The following TECTB variants were observed in gnomAD, a reference collection of about 807,000 sequenced individuals.
The protein encoded by TECTB is beta-tectorin.
Under a neutral mutation model 43.3 loss-of-function variants are expected in TECTB, and 45 were observed. The observed-to-expected ratio is 1.04, with a 90% CI of 0.82 to 1.33. The LOEUF (loss-of-function observed/expected upper bound fraction) is 1.33. TECTB is among the 40% of genes most tolerant of loss of function. TECTB has a pLI of 0.00. For missense variants in TECTB, 399 were observed against 404.7 expected (o/e 0.99, Z 0.12); for synonymous variants, 169 against 156.7 (o/e 1.08, Z -0.59).
intron 5 of TECTB, among the ~76,000 whole-genome samples, chr10:112,289,202 A>G (rs1011169247): frequency 1.3e-5 from 2 of 152,220 alleles, no homozygotes; most frequent in Non-Finnish European, 2.9e-5. Flanking sequence ...CTTTGACTCT[A>G]TTTAAAGTGG....
chr10:112,291,651 A>G (rs183391360), intron 5 of TECTB, among the ~76,000 whole-genome samples: 21 of 152,314 alleles, frequency 1.4e-4, no homozygotes, highest in Admixed American at 9.8e-4. Context: ...ATGAAACTCA[A>G]TCTTTCAAAC....
chr10:112,303,337 C>T lies in TECTB; in HGVS notation c.*25C>T, dbSNP rs376954909. 1.2e-6 allele frequency: 2 copies of T among 1,613,840 alleles called. No individual in the cohort carries two copies. Among genetic ancestry groups the T allele is most frequent in the Admixed American group, 3.3e-5 (2 of 60,016 alleles). On this transcript the variant is annotated 3_prime_UTR_variant, in exon 11 of 11. Transcript: ENST00000646139. Reference sequence around the variant, plus strand: ...GGAGTTAGCCAGGCAGCTGCCGCTCCTCCACCCACAATAGTCCTCAGCGAA... The same window carrying T: ...GGAGTTAGCCAGGCAGCTGCCGCTCTTCCACCCACAATAGTCCTCAGCGAA...
chr10:112,301,407 C>CAAA lies in TECTB; in HGVS notation c.908-680_908-678dup, dbSNP rs748878707. On this transcript the variant is annotated intron_variant, in intron 9 of 10. Coordinates refer to ENST00000646139, the MANE Select transcript of TECTB (RefSeq NM_058222.3). ...GGGCAACAAGAGTGAAACTCTGTCTCAAAAAAAAAAAAAAAATTATATGAA... is the reference window on the plus strand; with the variant it reads ...GGGCAACAAGAGTGAAACTCTGTCTCAAAAAAAAAAAAAAAAAAATTATATGAA... 7.7e-3 allele frequency among the ~76,000 whole-genome samples: 1,018 copies of CAAA among 132,882 alleles called. 5 individuals carry two copies. Among genetic ancestry groups the CAAA allele is most frequent in the Non-Finnish European group, 0.012 (741 of 62,844 alleles). 87.2% of individuals were successfully genotyped at this position (132,882 alleles called of 152,430 possible).
intron 9 of TECTB, among the ~76,000 whole-genome samples, chr10:112,301,592 C>G (rs1848612567): frequency 6.6e-6 from 1 of 151,958 alleles, no homozygotes; most frequent in Non-Finnish European, 1.5e-5. Flanking sequence ...TTACTTTTTT[C>G]TTTTCAGAAA....
chr10:112,297,003 T>C lies in TECTB; in HGVS notation c.672-1066T>C, dbSNP rs369089186. Among the ~76,000 whole-genome samples the C allele has an allele frequency of 1.1e-3, 172 of 152,260 alleles. 4 individuals carry two copies. The South Asian group carries it at 0.035, about 31-fold the overall frequency. On this transcript the variant is annotated intron_variant, in intron 7 of 10. Coordinates refer to ENST00000646139, the MANE Select transcript of TECTB (RefSeq NM_058222.3). ...TGCAGATAACAAACCCCCACAATAG[T>C]GTGGGCTTCTCTGTACAGTCCCAAG... is the stretch of plus-strand genomic sequence containing the variant.
intron 10 of TECTB, 188 bp downstream of exon 10, chr10:112,302,321 T>A: frequency 1.8e-6 from 1 of 569,150 alleles, no homozygotes; most frequent in South Asian, 3.0e-5. Context: ...CCCTGAACTC[T>A]GAAGAGAGGG....
Position 112,298,204 on chromosome 10 carries a change from C to CAGTGA in TECTB, c.807_808insAGTGA (p.Asp270SerfsTer11). On this transcript the variant is annotated frameshift_variant, in exon 8 of 11. Transcript: ENST00000646139. LOFTEE classifies it high-confidence loss of function. ...GGTTACACTGTGAGACGTTCATCTG[C>CAGTGA]GACAGTGAGAAACTCTCCTGCCCAG... 1 of 1,614,104 alleles carries CAGTGA rather than the reference C, an allele frequency of 6.2e-7. No homozygotes were observed. The highest frequency in any genetic ancestry group is 8.5e-7 in the Non-Finnish European group (1 of 1,180,000).
chr10:112,298,461 TG>T (rs1848568395), intron 8 of TECTB, among the ~76,000 whole-genome samples: 1 of 152,226 alleles, frequency 6.6e-6, no homozygotes, highest in Middle Eastern at 3.2e-3. Context: ...CCTAACCTGC[TG>T]GGACCTGCTT....
Position 112,284,662 on chromosome 10 carries a change from C to G in TECTB, c.204C>G (p.Tyr68Ter). The change falls in exon 3 of 11, where the codon TAC (tyrosine) becomes TAG (stop). Residue 68 changes from tyrosine to a stop codon, truncating the protein, a stop_gained. Transcript: ENST00000646139. LOFTEE classifies it high-confidence loss of function. ...ACAATGGGGTCCACGAAGGAGGTTA[C>G]TACCAATTTGTGATCCCAGATTTAT... ...LCYNGVHEGG[Y>*]YQFVIPDLSP... 6.2e-7 allele frequency: 1 copy of G among 1,613,346 alleles called. No individual in the cohort carries two copies. Among genetic ancestry groups the G allele is most frequent in the Non-Finnish European group, 8.5e-7 (1 of 1,179,660 alleles).
Position 112,303,384 on chromosome 10 carries a change from T to C in TECTB, c.*72T>C. Reference sequence around the variant, plus strand: ...CGAATGACAAACACATTTATTGTGCTGCCAAAAAGAACAAACAGAAGACCA... The same window carrying C: ...CGAATGACAAACACATTTATTGTGCCGCCAAAAAGAACAAACAGAAGACCA... On this transcript the variant is annotated 3_prime_UTR_variant, in exon 11 of 11. Coordinates refer to ENST00000646139, the MANE Select transcript of TECTB (RefSeq NM_058222.3). 1 of 1,584,026 alleles carries C rather than the reference T, an allele frequency of 6.3e-7. No individual in the cohort carries two copies. Among genetic ancestry groups the C allele is most frequent in the Non-Finnish European group, 8.7e-7 (1 of 1,153,076 alleles).
chr10:112,292,600 C>T (rs1171802898), intron 5 of TECTB, among the ~76,000 whole-genome samples: 1 of 152,042 alleles, frequency 6.6e-6, no homozygotes, highest in Non-Finnish European at 1.5e-5. Context: ...CCTGCCACCA[C>T]ACCCAGCTAA....
At position 112,284,606 on chromosome 10, in the gene TECTB, G is replaced by A. The variant is rs762759658; in HGVS notation, c.148G>A (p.Val50Ile). 7.4e-6 allele frequency: 12 copies of A among 1,613,716 alleles called. No homozygotes were observed. The Admixed American group carries it at 1.0e-4, about 13-fold the overall frequency. ...KIPECPYGWEVHQLALGGLCY... is the reference protein window; with the variant it reads ...KIPECPYGWEIHQLALGGLCY... ...CCCCGAGTGTCCCTATGGATGGGAAGTTCATCAGCTGGCCCTCGGAGGGCT... is the reference window on the plus strand; with the variant it reads ...CCCCGAGTGTCCCTATGGATGGGAAATTCATCAGCTGGCCCTCGGAGGGCT... The change falls in exon 3 of 11, where the codon GTT becomes ATT. Residue 50 changes from valine to isoleucine, a missense_variant. Physicochemically the swap from Val to Ile is conservative, Grantham distance 29 (BLOSUM62 3). Coordinates refer to ENST00000646139, the MANE Select transcript of TECTB (RefSeq NM_058222.3).
At chr10:112,293,269 T>A (rs949654598) in intron 5 of TECTB, among the ~76,000 whole-genome samples, 3 of 152,226 alleles carry the variant, frequency 2.0e-5, no homozygotes, top group African/African-American at 7.2e-5. Flanking sequence ...TTGTTATTGT[T>A]GTTGATGATT....
chr10:112,283,596 G>A, intron 1 of TECTB, 52 bp from the exon 2 acceptor site: 1 of 727,376 alleles, frequency 1.4e-6, no homozygotes, highest in Non-Finnish European at 2.3e-6. Context: ...GACTGTATGT[G>A]CGGCTTTGTT....
Position 112,285,934 on chromosome 10 carries a change from G to A in TECTB, c.268-137G>A. The A allele has an allele frequency of 2.8e-6, 3 of 1,079,308 alleles. No individual in the cohort carries two copies. The Admixed American group carries it at 6.1e-5, about 22-fold the overall frequency. 66.9% of individuals were successfully genotyped at this position (1,079,308 alleles called of 1,614,324 possible). ...AGCTCACCCGCAGACAAGAAGAGTG[G>A]ATGCCACCGTCAGTGGCAGACATTT... On this transcript the variant is annotated intron_variant, in intron 3 of 10. Coordinates refer to ENST00000646139, the MANE Select transcript of TECTB (RefSeq NM_058222.3).
intron 5 of TECTB, among the ~76,000 whole-genome samples, chr10:112,292,627 A>G (rs1190884398): frequency 6.6e-6 from 1 of 152,058 alleles, no homozygotes; most frequent in Non-Finnish European, 1.5e-5. Flanking sequence ...TATTTTTAAC[A>G]GGGACAGGGT....
Position 112,293,741 on chromosome 10 carries a change from G to T in TECTB, c.487G>T (p.Ala163Ser). 6.2e-7 allele frequency: 1 copy of T among 1,613,944 alleles called. No individual in the cohort carries two copies. Among genetic ancestry groups the T allele is most frequent in the Middle Eastern group, 1.6e-4 (1 of 6,062 alleles). The change falls in exon 6 of 11, where the codon GCC becomes TCC. Residue 163 changes from alanine to serine, a missense_variant. Coordinates refer to ENST00000646139, the MANE Select transcript of TECTB (RefSeq NM_058222.3). The part of the protein sequence containing the change: ...SQLSLNFYTN[A>S]KFSIKKEAPF... ...CAGTGTCAATTTCCTTCCAAAGAAT[G>T]CCAAGTTCTCCATCAAGAAAGAAGC... is the stretch of plus-strand genomic sequence containing the variant.
rs575429669 is a variant in TECTB, at chr10:112,294,197, C to T, written c.671+136C>T. 3 of 728,376 alleles carry T rather than the reference C, an allele frequency of 4.1e-6. No individual in the cohort carries two copies. The South Asian group carries it at 5.1e-5, about 12-fold the overall frequency. The allele number at this position is 728,376 out of a possible 1,614,324, so 45.1% of individuals were successfully genotyped here. A position where few individuals can be genotyped will look rare whatever the true frequency, so the allele number is the denominator to read the frequency against. ...ACAGCAGTGACACCATCTGTGGTTC[C>T]AGGCAAAGAACAAATACTAAGAAAC... On this transcript the variant is annotated intron_variant, in intron 7 of 10. Transcript: ENST00000646139.
intron 5 of TECTB, among the ~76,000 whole-genome samples, chr10:112,292,405 G>C (rs995677504): frequency 6.6e-6 from 1 of 152,082 alleles, no homozygotes; most frequent in East Asian, 1.9e-4. Flanking sequence ...ACTGCACTCA[G>C]AGAGTAAGAC....
Sources: allele counts gnomAD v4.1 joint callset (sites outside exome capture counted in the v4.1 genomes callset), GRCh38; gene constraint gnomAD v4.1.1; transcripts MANE v1.5; gene names NCBI Gene and HGNC (gene_info 2026-07-23, HGNC 2026-07-21).